SCAF4: variants seen among roughly 807,000 people sequenced by gnomAD.
The protein encoded by SCAF4 is SR-related and CTD-associated factor 4.
SCAF4 carries 25 observed loss-of-function variants against 129.8 expected under a neutral mutation model. The ratio of observed to expected loss-of-function variants is 0.19; its 90% CI spans 0.14 to 0.27. SCAF4 has a LOEUF of 0.27. Ranked by LOEUF, SCAF4 falls within the 10% of genes least tolerant of loss-of-function variation. SCAF4 has a pLI of 1.00. For synonymous variants in SCAF4, 551 were observed against 497.7 expected, an observed-to-expected ratio of 1.11 and a Z score of -1.43; for missense variants, 1,246 against 1,457.1, an observed-to-expected ratio of 0.86 and a Z score of 2.36.
At chr21:31,727,412 T>C (rs2051233102) in intron 1 of SCAF4, among the ~76,000 whole-genome samples, 1 of 152,036 alleles carries the variant, frequency 6.6e-6, no homozygotes, top group South Asian at 2.1e-4. Flanking sequence ...AAACTGCAGA[T>C]GATGCAAAAA....
chr21:31,721,722 AT>A lies in SCAF4; in HGVS notation c.30+9940del, dbSNP rs1310255256. On this transcript the variant is annotated intron_variant, in intron 1 of 19. Coordinates refer to ENST00000286835, the MANE Select transcript of SCAF4 (RefSeq NM_020706.2). ...CTTTTATTAACATCAAGCAAGAGCA[AT>A]TCTTTTTTTTTTTTTTTTTTTGAGA... is the stretch of plus-strand genomic sequence containing the variant. 4.9e-5 allele frequency among the ~76,000 whole-genome samples: 7 copies of A among 142,028 alleles called. No individual in the cohort carries two copies. In the East Asian group the frequency reaches 1.5e-3, roughly 31 times the overall value. 93.2% of individuals were successfully genotyped at this position (142,028 alleles called of 152,430 possible).
chr21:31,690,682 G>C (rs1601204780), intron 15 of SCAF4, 115 bp downstream of exon 15: 9 of 833,460 alleles, frequency 1.1e-5, no homozygotes, highest in Non-Finnish European at 1.5e-5. Context: ...GACACAGGAG[G>C]GATCCTAAAA....
intron 19 of SCAF4, among the ~76,000 whole-genome samples, chr21:31,678,112 G>A (rs1464785784): frequency 1.3e-5 from 2 of 151,996 alleles, no homozygotes; most frequent in East Asian, 3.9e-4. Flanking sequence ...ATCTTTATCT[G>A]CTGAAGATGC....
chr21:31,699,057 G>C (rs1382008472), intron 7 of SCAF4, among the ~76,000 whole-genome samples: 1 of 152,122 alleles, frequency 6.6e-6, no homozygotes, highest in Non-Finnish European at 1.5e-5. Context: ...GGGAGGGGGA[G>C]AGACGGGATA....
chr21:31,719,853 C>G (rs1040728386), intron 1 of SCAF4, among the ~76,000 whole-genome samples: 4 of 152,198 alleles, frequency 2.6e-5, no homozygotes, highest in Admixed American at 6.5e-5. Context: ...AAGGGTCTAG[C>G]CTTCACTCAA....
intron 1 of SCAF4, among the ~76,000 whole-genome samples, chr21:31,709,351 A>G (rs954619101): frequency 1.3e-5 from 1 of 78,630 alleles, no homozygotes; most frequent in Non-Finnish European, 2.5e-5. Flanking sequence ...TGAAACTGTC[A>G]AAAAAAAAAA....
chr21:31,674,445 C>T (rs1222546654), intron 19 of SCAF4, among the ~76,000 whole-genome samples: 1 of 152,152 alleles, frequency 6.6e-6, no homozygotes, highest in Non-Finnish European at 1.5e-5. Context: ...GCTGGGTTTC[C>T]TTTTAACCCT....
intron 15 of SCAF4, 53 bp from the exon 16 acceptor site, chr21:31,688,517 T>G (rs1436858793): frequency 1.4e-6 from 2 of 1,455,072 alleles, no homozygotes; most frequent in Non-Finnish European, 1.9e-6. Flanking sequence ...GTTTGTAACT[T>G]TAAATCTAGA....
chr21:31,695,067 T>A, intron 9 of SCAF4, 87 bp from the exon 10 acceptor site: 1 of 1,071,950 alleles, frequency 9.3e-7, no homozygotes, highest in South Asian at 1.6e-5. Context: ...ATATCCTCAA[T>A]AAAGTTTGAT....
chr21:31,678,247 C>A (rs557155902), intron 19 of SCAF4, among the ~76,000 whole-genome samples: 1 of 152,082 alleles, frequency 6.6e-6, no homozygotes, highest in Admixed American at 6.6e-5. Flanking sequence ...TACAGATTTG[C>A]GCATCACAGG....
At chr21:31,694,662 C>G in intron 10 of SCAF4, 151 bp downstream of exon 10, 1 of 754,444 alleles carries the variant, frequency 1.3e-6, no homozygotes, top group Non-Finnish European at 2.2e-6. Context: ...GTCCACTTTC[C>G]AGATGAAAAA....
intron 1 of SCAF4, among the ~76,000 whole-genome samples, chr21:31,712,398 A>G (rs1375602848): frequency 6.6e-6 from 1 of 151,090 alleles, no homozygotes; most frequent in Non-Finnish European, 1.5e-5. Context: ...TTGCATTTTT[A>G]GTAGAGATGG....
intron 9 of SCAF4, 77 bp downstream of exon 9, chr21:31,696,036 G>T: frequency 1.1e-6 from 1 of 922,596 alleles, no homozygotes. Flanking sequence ...CATAGCTGCA[G>T]AGTGCTCTGT....
At chr21:31,722,634 T>C (rs924692481) in intron 1 of SCAF4, among the ~76,000 whole-genome samples, 1 of 152,172 alleles carries the variant, frequency 6.6e-6, no homozygotes, top group African/African-American at 2.4e-5. Flanking sequence ...ACCATTTCAG[T>C]AAAATTTTGA....
At chr21:31,723,646 G>GCGCGCGCA (rs1555856213) in intron 1 of SCAF4, among the ~76,000 whole-genome samples, 4 of 150,034 alleles carry the variant, frequency 2.7e-5, no homozygotes, top group African/African-American at 7.3e-5. Flanking sequence ...GCGCGCGCGC[G>GCGCGCGCA]CACATACAGT....
chr21:31,720,006 G>A (rs1352733214), intron 1 of SCAF4, among the ~76,000 whole-genome samples: 1 of 152,116 alleles, frequency 6.6e-6, no homozygotes, highest in Non-Finnish European at 1.5e-5. Flanking sequence ...TTGAAAGACA[G>A]GCCAGGAGGT....
rs115568998 is a variant in SCAF4, at chr21:31,685,863, T to C, written c.2044-130A>G. 4,368 of 818,326 alleles carry C rather than the reference T, an allele frequency of 5.3e-3. 133 individuals carry two copies. In the African/African-American group the frequency reaches 0.069, roughly 13 times the overall value. 50.7% of individuals were successfully genotyped at this position (818,326 alleles called of 1,614,324 possible). On this transcript the variant is annotated intron_variant, in intron 16 of 19. Transcript: ENST00000286835. ...ATTTGTGCTTATTAGACCAATTTAT[T>C]AAATAACAGGTGGTAGTTAACTTCT... is the stretch of plus-strand genomic sequence containing the variant.
intron 19 of SCAF4, among the ~76,000 whole-genome samples, chr21:31,681,169 A>T (rs536466898): frequency 5.3e-5 from 8 of 152,328 alleles, no homozygotes; most frequent in Admixed American, 3.9e-4. Flanking sequence ...CTTATTTATA[A>T]ATTTTACCAT....
intron 1 of SCAF4, among the ~76,000 whole-genome samples, chr21:31,729,246 CA>C (rs2051286403): frequency 6.6e-6 from 1 of 152,202 alleles, no homozygotes; most frequent in Non-Finnish European, 1.5e-5. Context: ...CCTTCAGAAT[CA>C]AAATACTCAC....
Sources: gnomAD v4.1 joint callset for allele counts (sites outside exome capture counted in the v4.1 genomes callset) on GRCh38, gnomAD v4.1.1 for gene constraint, MANE v1.5 for transcripts, NCBI Gene and HGNC (gene_info 2026-07-23, HGNC 2026-07-21) for gene names.